Variants in DPP10 observed in about 807,000 individuals in gnomAD.
DPP10 encodes dipeptidyl peptidase like 10.
DPP10 carries 33 observed loss-of-function variants against 120.9 expected under a neutral mutation model. That is an observed-to-expected ratio of 0.27 (90% confidence interval 0.21 to 0.37). The LOEUF is 0.37. DPP10 is among the 10% of genes least tolerant of loss of function. The probability of loss-of-function intolerance (pLI) is 1.00; values close to 1 mark genes in which losing one functional copy is unlikely to be tolerated. For synonymous variants in DPP10, 337 were observed against 326.1 expected, an observed-to-expected ratio of 1.03 and a Z score of -0.36; for missense variants, 816 against 942.8, an observed-to-expected ratio of 0.87 and a Z score of 1.76.
intron 1 of DPP10, among the ~76,000 whole-genome samples, chr2:114,830,586 T>C (rs1471197189): frequency 2.0e-5 from 3 of 152,198 alleles, no homozygotes; most frequent in Non-Finnish European, 4.4e-5. Context: ...ACATATTGCC[T>C]AGCACACAGT....
At chr2:114,978,178 G>A (rs2036779) in intron 1 of DPP10, among the ~76,000 whole-genome samples, 20,426 of 152,082 alleles carry the variant, frequency 0.13, 1,508 homozygotes, top group Non-Finnish European at 0.15. Flanking sequence ...CTACGATGAC[G>A]GAAATGTTCT....
At chr2:115,461,045 G>A (rs958586864) in intron 3 of DPP10, among the ~76,000 whole-genome samples, 2 of 152,082 alleles carry the variant, frequency 1.3e-5, no homozygotes, top group Admixed American at 1.3e-4. Context: ...CAATGGAAAC[G>A]TGTTGATGAA....
chr2:115,761,798 T>G (rs530802910), intron 11 of DPP10, among the ~76,000 whole-genome samples: 1 of 152,252 alleles, frequency 6.6e-6, no homozygotes, highest in South Asian at 2.1e-4. Context: ...TAATTTATTA[T>G]TAACAATTTG....
At chr2:115,603,278 G>T (rs1272375900) in intron 5 of DPP10, among the ~76,000 whole-genome samples, 1 of 151,720 alleles carries the variant, frequency 6.6e-6, no homozygotes, top group Non-Finnish European at 1.5e-5. Context: ...TCTTCAGTTG[G>T]TGACAAGGAT....
At position 115,777,819 on chromosome 2, in the gene DPP10, G is replaced by A; in HGVS notation, c.1346G>A (p.Gly449Glu). Residue 449 changes from glycine (G) to glutamate (E), a missense_variant, in exon 15 of 26, where the codon GGA (glycine) becomes GAA (glutamate). This residue lies in a region of DPP10 where 592 missense variants were observed against 649.0 expected (regional missense o/e 0.91). Coordinates refer to ENST00000410059, the MANE Select transcript of DPP10 (RefSeq NM_020868.6). ...CTGAGCACTGAATCTTCTCCCAGAG[G>A]AAGGCAGCTGTACAGGTAAGCAGTG... Reference protein sequence around the residue: ...YFLSTESSPRGRQLYSASTEG... With the variant: ...YFLSTESSPRERQLYSASTEG... 6.2e-7 allele frequency: 1 copy of A among 1,613,288 alleles called. No homozygotes were observed. Among genetic ancestry groups the A allele is most frequent in the South Asian group, 1.1e-5 (1 of 91,054 alleles).
chr2:115,189,358 G>A (rs147667251), intron 1 of DPP10, among the ~76,000 whole-genome samples: 1,769 of 152,200 alleles, frequency 0.012, 9 homozygotes, highest in Middle Eastern at 0.034. Context: ...AGGATGAGCC[G>A]GGACAGAGCA....
At position 114,500,903 on chromosome 2, in the gene DPP10, C is replaced by T. The variant is rs973552662; in HGVS notation, c.60+58065C>T. 2.6e-5 allele frequency among the ~76,000 whole-genome samples: 4 copies of T among 152,184 alleles called. No homozygotes were observed. In the South Asian group the frequency reaches 8.3e-4, roughly 32 times the overall value. The stretch of plus-strand genomic sequence containing the variant: ...GGAGACTGTCAACAGCTAAGGGCAG[C>T]GGAGGGCAATGATGAATGCCTCAGA... On this transcript the variant is annotated intron_variant, in intron 1 of 25. Transcript: ENST00000410059.
intron 1 of DPP10, among the ~76,000 whole-genome samples, chr2:115,011,949 G>GT (rs1245948461): frequency 6.6e-6 from 1 of 152,062 alleles, no homozygotes; most frequent in Non-Finnish European, 1.5e-5. Context: ...GGTCACGGTG[G>GT]GAGTGAGACC....
intron 17 of DPP10, among the ~76,000 whole-genome samples, chr2:115,783,343 A>AC (rs1432900998): frequency 9.7e-4 from 148 of 152,274 alleles, no homozygotes; most frequent in African/African-American, 3.5e-3. Flanking sequence ...GAATAGGTTT[A>AC]TAATTCACTA....
chr2:115,698,045 A>T (rs1430285337), intron 7 of DPP10, among the ~76,000 whole-genome samples: 1 of 152,126 alleles, frequency 6.6e-6, no homozygotes, highest in Non-Finnish European at 1.5e-5. Flanking sequence ...TGTATACAGA[A>T]CACTCAACCT....
intron 19 of DPP10, among the ~76,000 whole-genome samples, chr2:115,808,045 AATCTAACT>A (rs957428088): frequency 3.9e-5 from 6 of 152,218 alleles, no homozygotes; most frequent in Non-Finnish European, 7.4e-5. Flanking sequence ...CACTGCTACT[AATCTAACT>A]ATGAAGAAGC....
intron 3 of DPP10, among the ~76,000 whole-genome samples, chr2:115,370,032 T>C (rs1442742217): frequency 2.6e-5 from 4 of 152,132 alleles, no homozygotes; most frequent in African/African-American, 9.7e-5. Context: ...AAAAGCTGCA[T>C]GAAGGCTTTC....
In DPP10 at chr2:115,184,296, T is replaced by TCAAGGCA. The variant is rs2054280930; in HGVS notation, c.61-124943_61-124942insCAAGGCA. ...CTTCACTATAATTTGTCAAGTGGAA[T>TCAAGGCA]TCTTTTGCTGCCTGATGAAGATGAT... On this transcript the variant is annotated intron_variant, in intron 1 of 25. Coordinates refer to ENST00000410059, the MANE Select transcript of DPP10 (RefSeq NM_020868.6). 4.6e-5 allele frequency among the ~76,000 whole-genome samples: 7 copies of TCAAGGCA among 152,346 alleles called. No individual in the cohort carries two copies. In the South Asian group the frequency reaches 1.4e-3, roughly 32 times the overall value.
intron 1 of DPP10, among the ~76,000 whole-genome samples, chr2:115,076,099 G>T (rs1453553111): frequency 6.6e-6 from 1 of 152,022 alleles, no homozygotes; most frequent in Non-Finnish European, 1.5e-5. Flanking sequence ...ACCTTATAAA[G>T]ATTTGGTAGG....
intron 3 of DPP10, among the ~76,000 whole-genome samples, chr2:115,423,230 G>T (rs1463976518): frequency 4.0e-5 from 6 of 151,836 alleles, no homozygotes; most frequent in Non-Finnish European, 5.9e-5. Flanking sequence ...GATTTATTTT[G>T]TCTTCTTTAA....
At chr2:114,813,517 A>G (rs1050122939) in intron 1 of DPP10, among the ~76,000 whole-genome samples, 1 of 152,142 alleles carries the variant, frequency 6.6e-6, no homozygotes, top group Non-Finnish European at 1.5e-5. Flanking sequence ...CCTGTGCCTA[A>G]GAAATAGGTA....
At chr2:115,196,796 T>TCA (rs1559223312) in intron 1 of DPP10, among the ~76,000 whole-genome samples, 3 of 152,158 alleles carry the variant, frequency 2.0e-5, no homozygotes, top group Non-Finnish European at 4.4e-5. Flanking sequence ...CATATGGATG[T>TCA]GTGGGTGTGG....
chr2:115,707,086 T>A (rs1213811620), intron 7 of DPP10, among the ~76,000 whole-genome samples: 1 of 151,850 alleles, frequency 6.6e-6, no homozygotes, highest in Non-Finnish European at 1.5e-5. Flanking sequence ...CAGAAAAGGA[T>A]TGAAAGCAAA....
chr2:115,334,364 G>C (rs1179782895), intron 2 of DPP10, among the ~76,000 whole-genome samples: 1 of 151,196 alleles, frequency 6.6e-6, no homozygotes, highest in Admixed American at 6.7e-5. Context: ...CCCTGGAACT[G>C]TAAAACAGAT....
Sources: allele counts gnomAD v4.1 joint callset (sites outside exome capture counted in the v4.1 genomes callset), GRCh38; gene constraint gnomAD v4.1.1; regional missense constraint gnomAD v4.1.1; transcripts MANE v1.5; gene names NCBI Gene and HGNC (gene_info 2026-07-23, HGNC 2026-07-21).